The following FUBP3 variants were observed in gnomAD, a reference collection of about 807,000 sequenced individuals.
FUBP3 encodes the protein far upstream element-binding protein 3.
FUBP3 carries 28 observed loss-of-function variants against 85.6 expected under a neutral mutation model. That is an observed-to-expected ratio of 0.33 (90% CI 0.24 to 0.45). FUBP3 has a LOEUF of 0.45. Among genes scored for constraint, FUBP3 ranks in the 20% least tolerant of loss-of-function variants. The pLI, the probability that FUBP3 is intolerant of heterozygous loss-of-function variation, is 1.00. For synonymous variants in FUBP3, 271 were observed against 271.4 expected (o/e 1.00, Z 0.01); for missense variants, 583 against 755.1 (o/e 0.77, Z 2.67).
chr9:130,582,550 C>T (rs982563848), intron 1 of FUBP3, among the ~76,000 whole-genome samples: 1 of 152,144 alleles, frequency 6.6e-6, no homozygotes, highest in African/African-American at 2.4e-5. Context: ...CATCTGTCTA[C>T]TTTTCCCAAG....
At chr9:130,627,869 T>A (rs1325634550) in intron 12 of FUBP3, among the ~76,000 whole-genome samples, 2 of 152,204 alleles carry the variant, frequency 1.3e-5, no homozygotes, top group African/African-American at 4.8e-5. Flanking sequence ...TGCCTCACCA[T>A]GACAGGTTCT....
intron 1 of FUBP3, among the ~76,000 whole-genome samples, chr9:130,589,679 A>G (rs1459748111): frequency 0.029 from 638 of 22,088 alleles, 1 homozygote; most frequent in East Asian, 0.045. Flanking sequence ...GTGTGTGTAT[A>G]TATATATATA....
At chr9:130,627,147 C>T (rs944277163) in intron 12 of FUBP3, among the ~76,000 whole-genome samples, 1 of 152,212 alleles carries the variant, frequency 6.6e-6, no homozygotes, top group Non-Finnish European at 1.5e-5. Context: ...AGCCACATTT[C>T]TCAGCCATTG....
At chr9:130,619,900 C>G (rs1422176726) in intron 8 of FUBP3, among the ~76,000 whole-genome samples, 1 of 152,216 alleles carries the variant, frequency 6.6e-6, no homozygotes, top group Non-Finnish European at 1.5e-5. Flanking sequence ...ACTGGAGTGC[C>G]TCTGTGTTGT....
intron 1 of FUBP3, among the ~76,000 whole-genome samples, chr9:130,590,022 T>TTTG (rs1830553183): frequency 1.6e-4 from 1 of 6,126 alleles, no homozygotes; most frequent in Non-Finnish European, 2.7e-4. Flanking sequence ...GCCTATTTAA[T>TTTG]TTTTTTTTTT....
chr9:130,629,815 T>C (rs1312223689), intron 12 of FUBP3, among the ~76,000 whole-genome samples: 1 of 152,230 alleles, frequency 6.6e-6, no homozygotes, highest in Non-Finnish European at 1.5e-5. Flanking sequence ...TATCCTTGTA[T>C]TCTGGCTCCT....
At chr9:130,604,398 C>T (rs1269747394) in intron 2 of FUBP3, among the ~76,000 whole-genome samples, 1 of 152,130 alleles carries the variant, frequency 6.6e-6, no homozygotes, top group Non-Finnish European at 1.5e-5. Flanking sequence ...TCTCATGTGC[C>T]ATAATAGTAT....
intron 13 of FUBP3, 110 bp downstream of exon 13, chr9:130,630,898 C>A: frequency 1.2e-6 from 1 of 856,244 alleles, no homozygotes; most frequent in Middle Eastern, 2.4e-4. Flanking sequence ...TGTGGGTTCT[C>A]ACATCACACG....
chr9:130,614,806 T>C (rs573649445), intron 6 of FUBP3, among the ~76,000 whole-genome samples: 9 of 152,342 alleles, frequency 5.9e-5, no homozygotes, highest in African/African-American at 2.2e-4. Flanking sequence ...TTTGCTCTAC[T>C]CAGAGGGCCG....
chr9:130,607,872 C>CG (rs1231639745), intron 2 of FUBP3, among the ~76,000 whole-genome samples: 1 of 152,218 alleles, frequency 6.6e-6, no homozygotes, highest in Non-Finnish European at 1.5e-5. Flanking sequence ...CTCAGTGATG[C>CG]GGCTCTCAGC....
At chr9:130,591,741 G>C (rs1223729513) in intron 1 of FUBP3, among the ~76,000 whole-genome samples, 2 of 152,170 alleles carry the variant, frequency 1.3e-5, no homozygotes, top group African/African-American at 4.8e-5. Context: ...GTAATGAAGT[G>C]AGCATGAATT....
chr9:130,589,675 G>GTGTGTGTATGTGTATGTGTATGTATATA (rs869282275), intron 1 of FUBP3, among the ~76,000 whole-genome samples: 1 of 34,312 alleles, frequency 2.9e-5, no homozygotes, highest in Non-Finnish European at 4.9e-5. Flanking sequence ...GTATGTGTGT[G>GTGTGTGTATGTGTATGTGTATGTATATA]TATATATATA....
chr9:130,595,724 G>C, intron 2 of FUBP3, 136 bp downstream of exon 2: 1 of 658,802 alleles, frequency 1.5e-6, no homozygotes, highest in Non-Finnish European at 2.8e-6. Context: ...AAGTATTTAG[G>C]ATGATTTTTC....
chr9:130,598,894 G>A (rs1038991833), intron 2 of FUBP3, among the ~76,000 whole-genome samples: 1 of 152,194 alleles, frequency 6.6e-6, no homozygotes, highest in African/African-American at 2.4e-5. Context: ...CCAGCATGGT[G>A]GCTCACACCT....
At chr9:130,590,414 G>A (rs991628486) in intron 1 of FUBP3, among the ~76,000 whole-genome samples, 1 of 152,198 alleles carries the variant, frequency 6.6e-6, no homozygotes, top group Non-Finnish European at 1.5e-5. Flanking sequence ...TGGTAGTTAA[G>A]TGTCTGTGAC....
At chr9:130,596,291 CA>C (rs1222725367) in intron 2 of FUBP3, among the ~76,000 whole-genome samples, 2 of 152,116 alleles carry the variant, frequency 1.3e-5, no homozygotes, top group African/African-American at 4.8e-5. Context: ...CATGAATTTG[CA>C]TGTAGTCGAG....
Position 130,622,700 on chromosome 9 carries a change from G to A in FUBP3, c.772-8G>A, listed in dbSNP as rs903896445. ...AGTTCTGATGTGGTTTGGTTTCTCTGTGCCTAGGTATCTGTGCCTAGGTTT... is the reference window on the plus strand; with the variant it reads ...AGTTCTGATGTGGTTTGGTTTCTCTATGCCTAGGTATCTGTGCCTAGGTTT... On this transcript the variant is annotated splice_region_variant and splice_polypyrimidine_tract_variant and intron_variant, in intron 9 of 18. Coordinates refer to ENST00000319725, the MANE Select transcript of FUBP3 (RefSeq NM_003934.2). 1.4e-6 allele frequency: 2 copies of A among 1,435,446 alleles called. No homozygotes were observed. The highest frequency in any genetic ancestry group is 1.9e-5 in the Admixed American group (1 of 52,500). 88.9% of individuals were successfully genotyped at this position (1,435,446 alleles called of 1,614,324 possible). A position where few individuals can be genotyped will look rare whatever the true frequency, so the allele number is the denominator to read the frequency against.
intron 2 of FUBP3, among the ~76,000 whole-genome samples, chr9:130,604,919 A>G (rs377066470): frequency 3.3e-5 from 5 of 152,134 alleles, no homozygotes; most frequent in African/African-American, 9.6e-5. Context: ...AAAAAAAGAA[A>G]GAAATACCAC....
In FUBP3 at chr9:130,594,864, G is replaced by A. The variant is rs935604497; in HGVS notation, c.85-619G>A. ...TTTGAAGAAAGTTCTTCAATTGTTG[G>A]CTTGCTTTTTTTTTTTTTTTTTTCT... On this transcript the variant is annotated intron_variant, in intron 1 of 18. Transcript: ENST00000319725. Among the ~76,000 whole-genome samples the A allele has an allele frequency of 2.9e-5, 4 of 137,422 alleles. 1 individual carries two copies. The highest frequency in any genetic ancestry group is 8.4e-5 in the African/African-American group (3 of 35,890). The allele number at this position is 137,422 out of a possible 152,430, so 90.2% of individuals were successfully genotyped here.
Sources: gnomAD v4.1 joint callset for allele counts (sites outside exome capture counted in the v4.1 genomes callset) on GRCh38, gnomAD v4.1.1 for gene constraint, MANE v1.5 for transcripts, NCBI Gene and HGNC (gene_info 2026-07-23, HGNC 2026-07-21) for gene names.